PTBP2: variants seen among roughly 807,000 people sequenced by gnomAD.
PTBP2 encodes polypyrimidine tract binding protein 2, also known as polypyrimidine tract-binding protein 2.
A neutral mutation model predicts 61.4 loss-of-function variants in PTBP2; 13 were observed. The observed-to-expected ratio is 0.21, with a 90% CI of 0.14 to 0.34. The LOEUF (loss-of-function observed/expected upper bound fraction) is 0.34. Ranked by LOEUF, PTBP2 falls within the 10% of genes least tolerant of loss-of-function variation. The pLI is 1.00. For synonymous variants in PTBP2, 215 were observed against 218.5 expected (o/e 0.98, Z 0.14); for missense variants, 405 against 642.6 (o/e 0.63, Z 4.00).
chr1:96,774,720 A>T (rs1414488359), intron 5 of PTBP2, among the ~76,000 whole-genome samples: 1 of 152,038 alleles, frequency 6.6e-6, no homozygotes, highest in Admixed American at 6.6e-5. Flanking sequence ...TCCCTTCTGG[A>T]ATTTTTTTCT....
intron 3 of PTBP2, among the ~76,000 whole-genome samples, chr1:96,758,862 T>G (rs1412177750): frequency 6.6e-6 from 1 of 152,142 alleles, no homozygotes; most frequent in African/African-American, 2.4e-5. Context: ...GAAAGAAAAC[T>G]GTCTTATTCA....
chr1:96,746,065 C>CAA (rs1332321692), intron 2 of PTBP2, among the ~76,000 whole-genome samples: 1 of 115,414 alleles, frequency 8.7e-6, no homozygotes, highest in Non-Finnish European at 1.8e-5. Flanking sequence ...GACTCCATCT[C>CAA]AAAAACAAAC....
chr1:96,735,221 A>G (rs2100826298), intron 2 of PTBP2, among the ~76,000 whole-genome samples: 1 of 152,222 alleles, frequency 6.6e-6, no homozygotes, highest in African/African-American at 2.4e-5. Flanking sequence ...CCTGGCCAAT[A>G]AGTGTCTCTT....
At chr1:96,723,453 G>A (rs1649923941) in intron 1 of PTBP2, 111 bp from the exon 2 acceptor site, 6 of 807,530 alleles carry the variant, frequency 7.4e-6, no homozygotes, top group South Asian at 2.5e-5. Flanking sequence ...ATCTGTGTGT[G>A]AGTGGCTGGA....
chr1:96,788,828 G>A (rs1446342831), intron 8 of PTBP2, among the ~76,000 whole-genome samples: 2 of 151,862 alleles, frequency 1.3e-5, no homozygotes, highest in Non-Finnish European at 2.9e-5. Flanking sequence ...TTTATGTCTG[G>A]CTTTTCTGTT....
At chr1:96,810,567 A>C (rs2101246764) in intron 11 of PTBP2, among the ~76,000 whole-genome samples, 1 of 151,972 alleles carries the variant, frequency 6.6e-6, no homozygotes, top group East Asian at 1.9e-4. Context: ...TCTATCACTC[A>C]TCTGTTCTGT....
chr1:96,803,322 T>G (rs1330078342), intron 8 of PTBP2, among the ~76,000 whole-genome samples: 1 of 152,050 alleles, frequency 6.6e-6, no homozygotes, highest in African/African-American at 2.4e-5. Flanking sequence ...GATGGCTACT[T>G]AGAGTTGCAT....
chr1:96,813,535 C>A lies in PTBP2; in HGVS notation c.*130C>A. 1.1e-6 allele frequency: 1 copy of A among 879,934 alleles called. No homozygotes were observed. Among genetic ancestry groups the A allele is most frequent in the East Asian group, 3.0e-5 (1 of 33,114 alleles). 54.5% of individuals were successfully genotyped at this position (879,934 alleles called of 1,614,324 possible). ...TTTTTTGGGGTTTCTTTTTTTTTTC[C>A]ATGCTGTTATCATTCCTTGGTTATA... On this transcript the variant is annotated 3_prime_UTR_variant, in exon 14 of 14. Transcript: ENST00000674951.
rs1662344371 is a variant in PTBP2 at position 96,814,314 on chromosome 1, G to A, written c.*909G>A. The A allele has an allele frequency of 6.6e-6, 1 of 152,518 alleles. No homozygotes were observed. Among genetic ancestry groups the A allele is most frequent in the African/African-American group, 2.4e-5 (1 of 41,440 alleles). The allele number at this position is 152,518 out of a possible 1,614,324, so 9.4% of individuals were successfully genotyped here. A position where few individuals can be genotyped will look rare whatever the true frequency, so the allele number is the denominator to read the frequency against. ...AATATGGTTGTGGATTTCTGAGCAT[G>A]TGCAGACTGGTCTAGCTAGTTCAGG... is the stretch of plus-strand genomic sequence containing the variant. On this transcript the variant is annotated 3_prime_UTR_variant, in exon 14 of 14. Coordinates refer to ENST00000674951, the MANE Select transcript of PTBP2 (RefSeq NM_021190.4).
chr1:96,802,203 T>TC lies in PTBP2; in HGVS notation c.905-2595dup, dbSNP rs539099180. 9.3e-5 allele frequency among the ~76,000 whole-genome samples: 9 copies of TC among 97,172 alleles called. No homozygotes were observed. The South Asian group carries it at 3.7e-3, about 40-fold the overall frequency. The allele number at this position is 97,172 out of a possible 152,430, so 63.7% of individuals were successfully genotyped here. A position where few individuals can be genotyped will look rare whatever the true frequency, so the allele number is the denominator to read the frequency against. The stretch of plus-strand genomic sequence containing the variant: ...TCCAACCTGAGAGACACAGCGAGAC[T>TC]CCGTCTCGAAAAAAAAAAAAAAAAA... On this transcript the variant is annotated intron_variant, in intron 8 of 13. Coordinates refer to ENST00000674951, the MANE Select transcript of PTBP2 (RefSeq NM_021190.4).
At chr1:96,758,160 G>C (rs1655378849) in intron 3 of PTBP2, among the ~76,000 whole-genome samples, 1 of 151,964 alleles carries the variant, frequency 6.6e-6, no homozygotes, top group Non-Finnish European at 1.5e-5. Flanking sequence ...TAGTAATGTT[G>C]TTAAGGCTAA....
intron 8 of PTBP2, among the ~76,000 whole-genome samples, chr1:96,786,344 G>A (rs1361906438): frequency 6.6e-6 from 1 of 151,978 alleles, no homozygotes; most frequent in East Asian, 1.9e-4. Context: ...CCCTTTATTC[G>A]AATTTTCTGG....
chr1:96,726,425 G>A (rs1379456705), intron 2 of PTBP2, among the ~76,000 whole-genome samples: 3 of 145,734 alleles, frequency 2.1e-5, no homozygotes, highest in Admixed American at 6.8e-5. Context: ...GGCACACGCC[G>A]CCATGCCAGA....
At position 96,785,132 on chromosome 1, in the gene PTBP2, A is replaced by G; in HGVS notation, c.782A>G (p.Asn261Ser). The change falls in exon 8 of 14, where the codon AAT becomes AGT. Residue 261 changes from asparagine to serine, a missense_variant. Physicochemically the swap from Asn to Ser is conservative, Grantham distance 46. Transcript: ENST00000674951. The part of the protein sequence containing the change: ...RIDFSKLVNL[N>S]VKYNNDKSRD... ...GATTTTTCCAAACTTGTGAATTTGA[A>G]TGTAAAATACAACAATGATAAAAGT... 2 of 1,610,092 alleles carry G rather than the reference A, an allele frequency of 1.2e-6. No homozygotes were observed. Among genetic ancestry groups the G allele is most frequent in the Non-Finnish European group, 1.7e-6 (2 of 1,177,384 alleles).
intron 8 of PTBP2, among the ~76,000 whole-genome samples, chr1:96,791,836 T>TTTTTTTTTGTTTTTTTTTG (rs1557759245): frequency 2.2e-5 from 3 of 135,992 alleles, no homozygotes; most frequent in Non-Finnish European, 4.7e-5. Flanking sequence ...CTTTTTTTTT[T>TTTTTTTTTGTTTTTTTTTG]TTTTTTTTTT....
intron 3 of PTBP2, among the ~76,000 whole-genome samples, chr1:96,759,612 G>A (rs969943009): frequency 3.3e-5 from 5 of 152,116 alleles, no homozygotes; most frequent in Admixed American, 2.6e-4. Flanking sequence ...GGATATACTT[G>A]CAACTTTGGG....
At chr1:96,741,156 C>T (rs891315611) in intron 2 of PTBP2, among the ~76,000 whole-genome samples, 1 of 148,768 alleles carries the variant, frequency 6.7e-6, no homozygotes, top group Non-Finnish European at 1.5e-5. Context: ...TTTGCATTCC[C>T]TATTAATGCA....
chr1:96,762,812 A>G (rs987641627), intron 3 of PTBP2, among the ~76,000 whole-genome samples: 6 of 147,610 alleles, frequency 4.1e-5, no homozygotes, highest in South Asian at 2.1e-4. Flanking sequence ...GGGGCTCCTC[A>G]CTTCTCAGAT....
In PTBP2 at chr1:96,726,956, T is replaced by C. The variant is rs184792080; in HGVS notation, c.39+3362T>C. The stretch of plus-strand genomic sequence containing the variant: ...TAAAATAAACTACCCATATTAAATA[T>C]ACAATGTTTTATCTCATATATACCC... On this transcript the variant is annotated intron_variant, in intron 2 of 13. Coordinates refer to ENST00000674951, the MANE Select transcript of PTBP2 (RefSeq NM_021190.4). Among the ~76,000 whole-genome samples the C allele has an allele frequency of 2.1e-3, 326 of 152,296 alleles. 4 individuals carry two copies. The highest frequency in any genetic ancestry group is 3.1e-3 in the Non-Finnish European group (208 of 68,028).
Sources: allele counts gnomAD v4.1 joint callset (sites outside exome capture counted in the v4.1 genomes callset), GRCh38; gene constraint gnomAD v4.1.1; transcripts MANE v1.5; gene names NCBI Gene and HGNC (gene_info 2026-07-23, HGNC 2026-07-21).